DAB1: variants seen among roughly 807,000 people sequenced by gnomAD.
The protein encoded by DAB1 is DAB adaptor protein 1.
A neutral mutation model predicts 64.6 loss-of-function variants in DAB1; 15 were observed. That is an observed-to-expected ratio of 0.23 (90% CI 0.16 to 0.36). DAB1 has a LOEUF of 0.36. Ranked by LOEUF, DAB1 falls within the 10% of genes least tolerant of loss-of-function variation. DAB1 has a pLI of 1.00. For missense variants in DAB1, 596 were observed against 706.7 expected, an observed-to-expected ratio of 0.84 and a Z score of 1.78; for synonymous variants, 235 against 251.9, an observed-to-expected ratio of 0.93 and a Z score of 0.64.
chr1:58,297,145 G>C (rs368808796), intron 4 of DAB1, among the ~76,000 whole-genome samples: 1 of 152,092 alleles, frequency 6.6e-6, no homozygotes, highest in East Asian at 1.9e-4. Context: ...AAGCTTAATA[G>C]GATTTTTAAA....
intron 7 of DAB1, among the ~76,000 whole-genome samples, chr1:57,437,597 T>C (rs993757939): frequency 1.3e-5 from 2 of 152,214 alleles, no homozygotes; most frequent in Non-Finnish European, 2.9e-5. Context: ...AGCAATTTGA[T>C]GTTTTAATGT....
chr1:57,936,548 C>T (rs552139338), intron 5 of DAB1, among the ~76,000 whole-genome samples: 3 of 152,176 alleles, frequency 2.0e-5, no homozygotes, highest in South Asian at 2.1e-4. Context: ...GCCGCCACCA[C>T]GCCCAGCTAA....
intron 4 of DAB1, among the ~76,000 whole-genome samples, chr1:58,172,872 A>T (rs948038838): frequency 6.6e-6 from 1 of 152,262 alleles, no homozygotes; most frequent in African/African-American, 2.4e-5. Context: ...AAGTATGCTT[A>T]TCTAATCCTA....
chr1:57,553,402 G>GAA (rs764313513), intron 7 of DAB1, among the ~76,000 whole-genome samples: 880 of 11,128 alleles, frequency 0.079, 64 homozygotes, highest in South Asian at 0.11. Flanking sequence ...AAGAAAGAAA[G>GAA]AAAGAAAGAA....
At chr1:58,030,593 A>G (rs1646957572) in intron 5 of DAB1, among the ~76,000 whole-genome samples, 1 of 152,206 alleles carries the variant, frequency 6.6e-6, no homozygotes, top group Non-Finnish European at 1.5e-5. Context: ...AACTAGCTGG[A>G]GTGCAGCCAA....
chr1:58,043,383 A>C (rs1647169332), intron 5 of DAB1, among the ~76,000 whole-genome samples: 2 of 151,970 alleles, frequency 1.3e-5, no homozygotes, highest in Admixed American at 6.6e-5. Context: ...TTCTAGTAGA[A>C]TTTCAAGTTT....
At chr1:57,150,512 T>C (rs1013451797) in intron 2 of DAB1, among the ~76,000 whole-genome samples, 15 of 152,178 alleles carry the variant, frequency 9.9e-5, no homozygotes, top group African/African-American at 3.6e-4. Flanking sequence ...AAAAGTGTCC[T>C]TTCTCCTGCC....
intron 6 of DAB1, among the ~76,000 whole-genome samples, chr1:57,800,134 T>C (rs779778479): frequency 2.0e-5 from 3 of 152,134 alleles, no homozygotes; most frequent in Admixed American, 6.5e-5. Context: ...TGGCCAAGGT[T>C]ACATGGGGAG....
At chr1:58,373,351 T>G in intron 3 of DAB1, among the ~76,000 whole-genome samples, 1 of 117,674 alleles carries the variant, frequency 8.5e-6, no homozygotes, top group Non-Finnish European at 1.8e-5. Context: ...GTCCCCAGAG[T>G]GTGATATTCC....
intron 2 of DAB1, among the ~76,000 whole-genome samples, chr1:57,240,224 A>C (rs1558005098): frequency 2.0e-5 from 3 of 152,216 alleles, no homozygotes; most frequent in Non-Finnish European, 2.9e-5. Flanking sequence ...CAAAATAAAC[A>C]TAAGGAAAAG....
upstream of DAB1, among the ~76,000 whole-genome samples, chr1:57,885,458 T>C (rs569648682): frequency 6.6e-6 from 1 of 152,256 alleles, no homozygotes; most frequent in Non-Finnish European, 1.5e-5. Flanking sequence ...TTATAACAGA[T>C]ACACACAAAT....
chr1:58,105,542 A>G (rs1221470206), intron 5 of DAB1, among the ~76,000 whole-genome samples: 5 of 152,156 alleles, frequency 3.3e-5, no homozygotes, highest in African/African-American at 9.7e-5. Context: ...GCCCCCTACT[A>G]TCGATGCAAA....
chr1:57,478,807 T>C (rs1332414819), intron 7 of DAB1, among the ~76,000 whole-genome samples: 12 of 151,694 alleles, frequency 7.9e-5, no homozygotes, highest in Admixed American at 5.3e-4. Flanking sequence ...TCACCATGTG[T>C]GCCAGGCTTG....
intron 4 of DAB1, among the ~76,000 whole-genome samples, chr1:58,151,757 T>G (rs1467895478): frequency 6.6e-6 from 1 of 152,066 alleles, no homozygotes; most frequent in African/African-American, 2.4e-5. Flanking sequence ...AAGAAGGAAA[T>G]AATTTGCAGC....
Position 57,145,356 on chromosome 1 carries a change from G to T in DAB1, c.141C>A (p.Ile47=), listed in dbSNP as rs751977928. Residue 47 remains isoleucine, a synonymous_variant, in exon 3 of 15, where the codon ATC becomes ATA. Transcript: ENST00000371236. The part of the protein sequence containing the change: ...GEGVRYKAKL[I]GIDEVSAARG... ...GAGCTGCGGAAACTTCATCAATCCC[G>T]ATCAATTTGGCTTTGTACCGGACCC... The T allele has an allele frequency of 3.1e-6, 5 of 1,613,888 alleles. No individual in the cohort carries two copies. The highest frequency in any genetic ancestry group is 1.3e-5 in the African/African-American group (1 of 74,894).
intron 7 of DAB1, among the ~76,000 whole-genome samples, chr1:57,496,821 G>A (rs1037384644): frequency 6.6e-6 from 1 of 152,180 alleles, no homozygotes; most frequent in African/African-American, 2.4e-5. Context: ...TGGCAGAACT[G>A]GGATTGGAGC....
intron 5 of DAB1, among the ~76,000 whole-genome samples, chr1:58,118,505 C>T (rs80273213): frequency 0.087 from 3,776 of 43,462 alleles, 88 homozygotes; most frequent in South Asian, 0.12. Flanking sequence ...TATATATATA[C>T]ACACACACAC....
At chr1:58,298,292 A>G (rs1288742224) in intron 4 of DAB1, among the ~76,000 whole-genome samples, 1 of 152,208 alleles carries the variant, frequency 6.6e-6, no homozygotes, top group African/African-American at 2.4e-5. Flanking sequence ...ACAGGATTAC[A>G]TGTTAAAGTT....
intron 2 of DAB1, among the ~76,000 whole-genome samples, chr1:58,519,354 C>A (rs146865265): frequency 2.8e-4 from 43 of 152,220 alleles, no homozygotes; most frequent in African/African-American, 9.6e-4. Context: ...CATCCAACAG[C>A]CAGTTTTTAC....
Sources: allele counts gnomAD v4.1 joint callset (sites outside exome capture counted in the v4.1 genomes callset), GRCh38; gene constraint gnomAD v4.1.1; transcripts MANE v1.5; gene names NCBI Gene and HGNC (gene_info 2026-07-23, HGNC 2026-07-21).